The following SEC23B variants were observed in gnomAD, a reference collection of about 807,000 sequenced individuals.
SEC23B encodes the protein protein transport protein Sec23B.
A neutral mutation model predicts 104.3 loss-of-function variants in SEC23B; 77 were observed. That is an observed-to-expected ratio of 0.74 (90% CI 0.61 to 0.89). The LOEUF is 0.89. Among genes scored for constraint, SEC23B ranks in the 40% least tolerant of loss-of-function variants. SEC23B has a pLI of 0.00. For synonymous variants in SEC23B, 338 were observed against 332.5 expected, an observed-to-expected ratio of 1.02 and a Z score of -0.18; for missense variants, 885 against 949.4, an observed-to-expected ratio of 0.93 and a Z score of 0.89.
intron 3 of SEC23B, among the ~76,000 whole-genome samples, chr20:18,515,442 C>T (rs2060015990): frequency 6.6e-6 from 1 of 152,140 alleles, no homozygotes; most frequent in Admixed American, 6.5e-5. Context: ...TTCTGAGTAG[C>T]TGGGACTACA....
chr20:18,557,826 C>T (rs1213391606), intron 19 of SEC23B, among the ~76,000 whole-genome samples: 1 of 146,596 alleles, frequency 6.8e-6, no homozygotes, highest in Non-Finnish European at 1.5e-5. Context: ...GATCTCAGCT[C>T]ACCGCAACCT....
rs2060488228 is a variant in SEC23B at position 18,561,077 on chromosome 20, A to G, written c.*337A>G. On this transcript the variant is annotated 3_prime_UTR_variant, in exon 20 of 20. Transcript: ENST00000650089. ...TCATAAAGGAAATAAATCTAGATGC[A>G]GAAAGTACTGGCTAAAATATTGCTA... is the stretch of plus-strand genomic sequence containing the variant. 1 of 339,752 alleles carries G rather than the reference A, an allele frequency of 2.9e-6. No homozygotes were observed. Among genetic ancestry groups the G allele is most frequent in the Non-Finnish European group, 5.6e-6 (1 of 177,108 alleles). The allele number at this position is 339,752 out of a possible 1,614,324, so 21.0% of individuals were successfully genotyped here.
intron 4 of SEC23B, among the ~76,000 whole-genome samples, chr20:18,522,931 G>T (rs531428547): frequency 1.3e-5 from 2 of 152,106 alleles, no homozygotes; most frequent in South Asian, 4.2e-4. Flanking sequence ...GCCGGGCGTG[G>T]TGGTGGGCAC....
chr20:18,524,919 C>CTTTT lies in SEC23B; in HGVS notation c.604-7_604-4dup. ...TGTCATTGGAAATGAATCTTTTTGG[C>CTTTT]TTTTTTTTTTTTAAGGATATGTTGG... is the stretch of plus-strand genomic sequence containing the variant. On this transcript the variant is annotated splice_polypyrimidine_tract_variant and intron_variant, in intron 5 of 19. Transcript: ENST00000650089. The CTTTT allele has an allele frequency of 7.4e-7, 1 of 1,349,254 alleles. No individual in the cohort carries two copies. Among genetic ancestry groups the CTTTT allele is most frequent in the Admixed American group, 1.9e-5 (1 of 53,602 alleles). The allele number at this position is 1,349,254 out of a possible 1,614,324, so 83.6% of individuals were successfully genotyped here.
Position 18,526,424 on chromosome 20 carries a change from C to T in SEC23B, c.886C>T (p.Pro296Ser). 2 of 1,614,194 alleles carry T rather than the reference C, an allele frequency of 1.2e-6. No homozygotes were observed. Among genetic ancestry groups the T allele is most frequent in the Non-Finnish European group, 1.7e-6 (2 of 1,180,030 alleles). The part of the protein sequence containing the change: ...ARIMLFTGGP[P>S]TQGPGMVVGD... Reference sequence around the variant, plus strand: ...GATCATGCTGTTTACTGGAGGTCCCCCTACCCAAGGGCCTGGCATGGTGGT... The same window carrying T: ...GATCATGCTGTTTACTGGAGGTCCCTCTACCCAAGGGCCTGGCATGGTGGT... Residue 296 changes from proline (P) to serine (S), a missense_variant, in exon 8 of 20, where the codon CCT becomes TCT. Physicochemically the swap from Pro to Ser is moderately conservative, Grantham distance 74. Transcript: ENST00000650089.
At chr20:18,557,022 A>G (rs946475516) in intron 19 of SEC23B, among the ~76,000 whole-genome samples, 2 of 152,226 alleles carry the variant, frequency 1.3e-5, no homozygotes, top group Non-Finnish European at 2.9e-5. Flanking sequence ...TGAATTTATT[A>G]TAGACAGCTT....
At chr20:18,523,825 C>T (rs2060108750) in intron 4 of SEC23B, among the ~76,000 whole-genome samples, 1 of 152,120 alleles carries the variant, frequency 6.6e-6, no homozygotes, top group South Asian at 2.1e-4. Context: ...CTGCCTCCGC[C>T]TCCTGAGTAG....
intron 4 of SEC23B, among the ~76,000 whole-genome samples, chr20:18,523,801 C>T (rs2060108481): frequency 6.6e-6 from 1 of 151,660 alleles, no homozygotes. Flanking sequence ...AATTCCTGGG[C>T]TTAAGGGATC....
chr20:18,554,009 T>G (rs771007913), intron 17 of SEC23B, among the ~76,000 whole-genome samples: 8 of 152,062 alleles, frequency 5.3e-5, no homozygotes, highest in Non-Finnish European at 8.8e-5. Flanking sequence ...AGAGGAGGCA[T>G]GAGTGACGCC....
At chr20:18,538,601 T>C (rs968251808) in intron 12 of SEC23B, among the ~76,000 whole-genome samples, 2 of 152,208 alleles carry the variant, frequency 1.3e-5, no homozygotes, top group Non-Finnish European at 2.9e-5. Flanking sequence ...ATCAGTCGAC[T>C]CTTCCTTCCA....
intron 9 of SEC23B, among the ~76,000 whole-genome samples, chr20:18,527,873 G>C (rs1449624335): frequency 1.3e-5 from 2 of 152,208 alleles, no homozygotes; most frequent in Admixed American, 6.5e-5. Flanking sequence ...CTTTTACAGA[G>C]ACCAGGCCAA....
chr20:18,543,256 A>G, intron 14 of SEC23B, 84 bp downstream of exon 14: 4 of 1,545,138 alleles, frequency 2.6e-6, no homozygotes, highest in African/African-American at 1.4e-5. Context: ...TTATTATTAT[A>G]TAGTGAATCA....
chr20:18,532,710 C>G lies in SEC23B; in HGVS notation c.1280C>G (p.Ser427Cys). The change falls in exon 11 of 20, where the codon TCT becomes TGT. Residue 427 changes from serine to cysteine, a missense_variant. Coordinates refer to ENST00000650089, the MANE Select transcript of SEC23B (RefSeq NM_006363.6). ...GCAGGAGCCATTGGTCCATGCGTAT[C>G]TCTGAATGTGAAAGGACCGTGTGTG... Reference protein sequence around the residue: ...KIAGAIGPCVSLNVKGPCVSE... With the variant: ...KIAGAIGPCVCLNVKGPCVSE... 1 of 1,613,938 alleles carries G rather than the reference C, an allele frequency of 6.2e-7. No individual in the cohort carries two copies. Among genetic ancestry groups the G allele is most frequent in the Admixed American group, 1.7e-5 (1 of 60,022 alleles).
chr20:18,524,406 C>T (rs770414967), intron 4 of SEC23B, 27 bp from the exon 5 acceptor site: 11 of 1,519,070 alleles, frequency 7.2e-6, no homozygotes, highest in Non-Finnish European at 1.0e-5. Flanking sequence ...GTATATTGAT[C>T]ATTATGCTGT....
At position 18,535,860 on chromosome 20, in the gene SEC23B, G is replaced by A. The variant is rs2060226133; in HGVS notation, c.1404+118G>A. The A allele has an allele frequency of 5.5e-5, 44 of 794,160 alleles. No homozygotes were observed. In the South Asian group the frequency reaches 5.8e-4, roughly 10 times the overall value. The allele number at this position is 794,160 out of a possible 1,614,324, so 49.2% of individuals were successfully genotyped here. A position where few individuals can be genotyped will look rare whatever the true frequency, so the allele number is the denominator to read the frequency against. ...CCAATATTCCTTGGGTATTGTATTA[G>A]GCCTGATGATAGTCTGGCATGACCT... is the stretch of plus-strand genomic sequence containing the variant. On this transcript the variant is annotated intron_variant, in intron 12 of 19. Coordinates refer to ENST00000650089, the MANE Select transcript of SEC23B (RefSeq NM_006363.6).
Position 18,548,611 on chromosome 20 carries a change from T to A in SEC23B, c.1746T>A (p.Phe582Leu). ...LSDSFSLYPQ[F>L]MFHLRRSPFL... is the part of the protein sequence containing the mutation. The stretch of plus-strand genomic sequence containing the variant: ...CTTTCCGTTCTTTGTGAATGCAGTT[T>A]ATGTTCCATCTGAGAAGATCTCCAT... Residue 582 changes from phenylalanine to leucine, a missense_variant and splice_region_variant, in exon 16 of 20, where the codon TTT becomes TTA. Physicochemically the swap from Phe to Leu is conservative, Grantham distance 22. Transcript: ENST00000650089. 2 of 1,613,956 alleles carry A rather than the reference T, an allele frequency of 1.2e-6. No individual in the cohort carries two copies. Among genetic ancestry groups the A allele is most frequent in the Non-Finnish European group, 1.7e-6 (2 of 1,179,786 alleles).
intron 12 of SEC23B, among the ~76,000 whole-genome samples, chr20:18,536,027 G>A (rs973229658): frequency 1.3e-5 from 2 of 152,050 alleles, no homozygotes; most frequent in Admixed American, 1.3e-4. Context: ...TTAGTGCATC[G>A]GTTCTTTCCC....
chr20:18,529,035 A>C (rs559912803), intron 9 of SEC23B, among the ~76,000 whole-genome samples: 5 of 152,330 alleles, frequency 3.3e-5, no homozygotes, highest in African/African-American at 9.6e-5. Flanking sequence ...TCTGTTCTGA[A>C]CATTGCAATT....
intron 9 of SEC23B, 81 bp from the exon 10 acceptor site, chr20:18,530,599 T>G: frequency 6.6e-7 from 1 of 1,516,538 alleles, no homozygotes; most frequent in South Asian, 1.2e-5. Context: ...TTTCTTTAAA[T>G]TATTTTTGTA....
Sources: gnomAD v4.1 joint callset for allele counts (sites outside exome capture counted in the v4.1 genomes callset) on GRCh38, gnomAD v4.1.1 for gene constraint, MANE v1.5 for transcripts, NCBI Gene and HGNC (gene_info 2026-07-23, HGNC 2026-07-21) for gene names.